KALRN: variants seen among roughly 807,000 people sequenced by gnomAD.
KALRN encodes kalirin RhoGEF kinase.
A neutral mutation model predicts 353.7 loss-of-function variants in KALRN; 70 were observed. The observed-to-expected ratio is 0.20, with a 90% CI of 0.16 to 0.24. The LOEUF is 0.24. Ranked by LOEUF, KALRN falls within the 10% of genes least tolerant of loss-of-function variation. The probability of loss-of-function intolerance (pLI) is 1.00; values close to 1 mark genes in which losing one functional copy is unlikely to be tolerated. For synonymous variants in KALRN, 1,391 were observed against 1,434.8 expected, an observed-to-expected ratio of 0.97 and a Z score of 0.69; for missense variants, 2,791 against 3,756.7, an observed-to-expected ratio of 0.74 and a Z score of 6.72.
intron 43 of KALRN, 21 bp downstream of exon 43, chr3:124,659,478 G>GT (rs768323937): frequency 6.5e-7 from 1 of 1,527,938 alleles, no homozygotes; most frequent in Non-Finnish European, 9.1e-7. Flanking sequence ...GGGAGCCTGG[G>GT]TGAGGGCTGG....
chr3:124,425,770 A>G (rs2092986553), intron 15 of KALRN, among the ~76,000 whole-genome samples: 3 of 152,162 alleles, frequency 2.0e-5, no homozygotes, highest in African/African-American at 4.8e-5. Context: ...AAATAGAAAT[A>G]TATTTATTCT....
intron 57 of KALRN, among the ~76,000 whole-genome samples, chr3:124,705,894 T>C (rs1299603640): frequency 6.6e-6 from 1 of 150,936 alleles, no homozygotes; most frequent in Non-Finnish European, 1.5e-5. Context: ...TCTCTCTTTC[T>C]TATTTCTTTG....
Position 124,700,003 on chromosome 3 carries a change from C to T in KALRN, c.7966C>T (p.Pro2656Ser). 6.2e-7 allele frequency: 1 copy of T among 1,614,098 alleles called. No individual in the cohort carries two copies. Among genetic ancestry groups the T allele is most frequent in the Non-Finnish European group, 8.5e-7 (1 of 1,180,018 alleles). ...NPWGISLPSE[P>S]SEFVRLPEYD... ...CTGGGGAATCAGCCTTCCCAGCGAGCCCTCGGAGTTTGTGCGACTTCCAGA... is the reference window on the plus strand; with the variant it reads ...CTGGGGAATCAGCCTTCCCAGCGAGTCCTCGGAGTTTGTGCGACTTCCAGA... Residue 2656 changes from proline (P) to serine (S), a missense_variant, in exon 56 of 60, where the codon CCC becomes TCC. Around this residue, in one of 11 missense-constraint regions of KALRN, gnomAD observed 188 missense variants for 402.9 expected, o/e 0.47. Coordinates refer to ENST00000682506, the MANE Select transcript of KALRN (RefSeq NM_001388419.1).
chr3:124,214,558 T>C (rs1369777395), intron 1 of KALRN, among the ~76,000 whole-genome samples: 2 of 152,216 alleles, frequency 1.3e-5, no homozygotes, highest in Non-Finnish European at 2.9e-5. Context: ...GGGGACCAGA[T>C]ATCCCAGCCT....
At chr3:124,075,156 A>G (rs938064353) in intron 1 of KALRN, among the ~76,000 whole-genome samples, 16 of 152,320 alleles carry the variant, frequency 1.1e-4, no homozygotes, top group Middle Eastern at 3.4e-3. Context: ...TTTCATATGA[A>G]TGGAGGCTAC....
intron 1 of KALRN, among the ~76,000 whole-genome samples, chr3:124,113,302 G>C (rs938964): frequency 0.55 from 83,880 of 152,042 alleles, 25,673 homozygotes; most frequent in Non-Finnish European, 0.69. Flanking sequence ...CATGTTAAAG[G>C]CTCAATAAGT....
intron 1 of KALRN, among the ~76,000 whole-genome samples, chr3:124,157,732 G>A (rs1237453862): frequency 1.3e-5 from 2 of 152,206 alleles, no homozygotes; most frequent in Non-Finnish European, 2.9e-5. Context: ...CCTTTTCCTT[G>A]TGGACTGCTG....
rs1181167739 is a variant in KALRN, at chr3:124,725,903, A to C, written c.*6433A>C. The C allele has an allele frequency of 6.6e-6, 1 of 152,310 alleles. No individual in the cohort carries two copies. 9.4% of individuals were successfully genotyped at this position (152,310 alleles called of 1,614,324 possible). A position where few individuals can be genotyped will look rare whatever the true frequency, so the allele number is the denominator to read the frequency against. On this transcript the variant is annotated 3_prime_UTR_variant, in exon 60 of 60. Transcript: ENST00000682506. Reference sequence around the variant, plus strand: ...TATTCATAAGTGGACAGGTTTCCCCATAGGGACCATCGCACATATACATAT... The same window carrying C: ...TATTCATAAGTGGACAGGTTTCCCCCTAGGGACCATCGCACATATACATAT...
intron 34 of KALRN, chr3:124,584,584 C>G (rs2074940230): frequency 7.4e-7 from 1 of 1,357,652 alleles, no homozygotes; most frequent in Non-Finnish European, 9.5e-7. Flanking sequence ...GTCTCCTGCC[C>G]ACAGCTGGAC....
At chr3:124,359,848 T>C (rs536860398) in intron 10 of KALRN, among the ~76,000 whole-genome samples, 1 of 152,368 alleles carries the variant, frequency 6.6e-6, no homozygotes, top group East Asian at 1.9e-4. Flanking sequence ...TCCCATGCTG[T>C]CATCTCTCAA....
In KALRN at chr3:124,233,368, A is replaced by T. The variant is rs1320730152; in HGVS notation, c.149-1461A>T. The stretch of plus-strand genomic sequence containing the variant: ...TGTGGAAGGCAATGGAGAGATGGGG[A>T]CCATTTCCAAGGCAGATGAGACAAG... On this transcript the variant is annotated intron_variant, in intron 2 of 59. Transcript: ENST00000682506. 5.3e-5 allele frequency among the ~76,000 whole-genome samples: 8 copies of T among 152,136 alleles called. 1 individual carries two copies. Among genetic ancestry groups the T allele is most frequent in the Admixed American group, 4.6e-4 (7 of 15,284 alleles).
chr3:124,694,226 C>A, intron 52 of KALRN, 106 bp from the exon 53 acceptor site: 2 of 1,088,494 alleles, frequency 1.8e-6, no homozygotes, highest in Non-Finnish European at 2.7e-6. Flanking sequence ...TTATTTGAAT[C>A]ATTACATGAC....
At chr3:124,177,413 G>T (rs1560154774) in intron 1 of KALRN, among the ~76,000 whole-genome samples, 1 of 152,152 alleles carries the variant, frequency 6.6e-6, no homozygotes, top group Admixed American at 6.5e-5. Flanking sequence ...CTTTTCAGTT[G>T]TTTTTTACCT....
chr3:124,338,482 T>C (rs1225675756), intron 9 of KALRN, among the ~76,000 whole-genome samples: 1 of 152,256 alleles, frequency 6.6e-6, no homozygotes, highest in African/African-American at 2.4e-5. Context: ...CTAATTTGAT[T>C]GGACTGTTGT....
rs397735366 is a variant in KALRN, at chr3:124,314,827, T to TA, written c.1093-11151dup. ...TATGCCACCATGCTGGCTAATTTTT[T>TA]AATTTTTTGTAGATACAGGGTCTCA... On this transcript the variant is annotated intron_variant, in intron 6 of 59. Transcript: ENST00000682506. 3.9e-5 allele frequency among the ~76,000 whole-genome samples: 6 copies of TA among 152,108 alleles called. No homozygotes were observed. The East Asian group carries it at 1.2e-3, about 29-fold the overall frequency.
chr3:124,446,703 G>T (rs2093851404), intron 20 of KALRN, 60 bp from the exon 21 acceptor site: 1 of 1,603,922 alleles, frequency 6.2e-7, no homozygotes, highest in Non-Finnish European at 8.5e-7. Flanking sequence ...TTGTAGTATG[G>T]CATGTTTTCC....
chr3:124,166,460 A>G (rs1158093968), intron 1 of KALRN, among the ~76,000 whole-genome samples: 1 of 152,188 alleles, frequency 6.6e-6, no homozygotes, highest in Non-Finnish European at 1.5e-5. Flanking sequence ...AATACTCATA[A>G]AAATTATTTT....
chr3:124,093,533 C>T (rs1336837753), intron 1 of KALRN, among the ~76,000 whole-genome samples: 2 of 152,356 alleles, frequency 1.3e-5, no homozygotes, highest in East Asian at 1.9e-4. Context: ...ACTGGGCACC[C>T]CGTCATGCCC....
intron 11 of KALRN, among the ~76,000 whole-genome samples, chr3:124,389,428 T>C (rs936650292): frequency 6.6e-6 from 1 of 152,228 alleles, no homozygotes; most frequent in Non-Finnish European, 1.5e-5. Context: ...TATAAAAAGA[T>C]AACCTCCAGG....
Sources: gnomAD v4.1 joint callset for allele counts (sites outside exome capture counted in the v4.1 genomes callset) on GRCh38, gnomAD v4.1.1 for gene constraint, gnomAD v4.1.1 regional missense constraint, MANE v1.5 for transcripts, NCBI Gene and HGNC (gene_info 2026-07-23, HGNC 2026-07-21) for gene names.